Variants in NFAT5 observed in about 807,000 individuals in gnomAD.
NFAT5 encodes nuclear factor of activated T-cells 5.
A neutral mutation model predicts 166.5 loss-of-function variants in NFAT5; 31 were observed. That is an observed-to-expected ratio of 0.19 (90% CI 0.14 to 0.25). The LOEUF (loss-of-function observed/expected upper bound fraction) is 0.25. Ranked by LOEUF, NFAT5 falls within the 10% of genes least tolerant of loss-of-function variation. The pLI, the probability that NFAT5 is intolerant of heterozygous loss-of-function variation, is 1.00. For synonymous variants in NFAT5, 612 were observed against 639.7 expected (o/e 0.96, Z 0.65); for missense variants, 1,449 against 1,821.8 (o/e 0.80, Z 3.72).
chr16:69,693,155 C>T lies in NFAT5; in HGVS notation c.3330C>T (p.Leu1110=), dbSNP rs752170360. The T allele has an allele frequency of 1.2e-6, 2 of 1,614,018 alleles. No individual in the cohort carries two copies. Among genetic ancestry groups the T allele is most frequent in the African/African-American group, 2.7e-5 (2 of 74,902 alleles). The stretch of plus-strand genomic sequence containing the variant: ...TTTCCCAGGAAACTCAAGGTTCTCT[C>T]TTTCATAGTCCAAATCCTATTGTCC... ...QNLSQETQGS[L]FHSPNPIVHS... The change falls in exon 13 of 15, where the codon CTC becomes CTT. Residue 1110 remains leucine (L), a synonymous_variant. Coordinates refer to ENST00000349945, the MANE Select transcript of NFAT5 (RefSeq NM_138713.4).
At chr16:69,684,482 C>T (rs2037204699) in intron 10 of NFAT5, among the ~76,000 whole-genome samples, 1 of 151,898 alleles carries the variant, frequency 6.6e-6, no homozygotes, top group Admixed American at 6.6e-5. Context: ...ATTGCTTGAA[C>T]CCAGGAGGTG....
Position 69,692,850 on chromosome 16 carries a change from G to C in NFAT5, c.3025G>C (p.Glu1009Gln). 1 of 1,614,210 alleles carries C rather than the reference G, an allele frequency of 6.2e-7. No homozygotes were observed. The highest frequency in any genetic ancestry group is 8.5e-7 in the Non-Finnish European group (1 of 1,180,042). Reference protein sequence around the residue: ...MFQTSSSGDGEETGTQAKQIQ... With the variant: ...MFQTSSSGDGQETGTQAKQIQ... ...TCAGACATCAAGTTCAGGAGATGGAGAAGAAACTGGAACACAAGCAAAACA... is the reference window on the plus strand; with the variant it reads ...TCAGACATCAAGTTCAGGAGATGGACAAGAAACTGGAACACAAGCAAAACA... The change falls in exon 13 of 15, where the codon GAA (glutamate) becomes CAA (glutamine). Residue 1009 changes from glutamate to glutamine, a missense_variant. Around this residue, in one of 7 missense-constraint regions of NFAT5, gnomAD observed 891 missense variants for 993.0 expected, o/e 0.90. Coordinates refer to ENST00000349945, the MANE Select transcript of NFAT5 (RefSeq NM_138713.4).
chr16:69,641,728 GTTC>G (rs2151610936), intron 3 of NFAT5, among the ~76,000 whole-genome samples: 1 of 152,232 alleles, frequency 6.6e-6, no homozygotes, highest in South Asian at 2.1e-4. Flanking sequence ...AGAGCTGATA[GTTC>G]TTAAGTTTAA....
chr16:69,644,695 C>T (rs1469332765), intron 3 of NFAT5: 2 of 283,252 alleles, frequency 7.1e-6, no homozygotes, highest in Non-Finnish European at 1.4e-5. Flanking sequence ...CCTCAGAGAA[C>T]AAGACAAGGT....
Position 69,574,129 on chromosome 16 carries a change from C to G in NFAT5, c.127+5581C>G, listed in dbSNP as rs533616746. The stretch of plus-strand genomic sequence containing the variant: ...CAGGTGATCCACCCACCTCGGCCCC[C>G]CAAAGTGCTGGGATTACAGGCGTGA... On this transcript the variant is annotated intron_variant, in intron 2 of 14. Transcript: ENST00000349945. Among the ~76,000 whole-genome samples the G allele has an allele frequency of 2.4e-4, 36 of 152,146 alleles. No homozygotes were observed. In the South Asian group the frequency reaches 7.5e-3, roughly 32 times the overall value.
At chr16:69,655,924 A>G (rs554096551) in intron 6 of NFAT5, 125 bp downstream of exon 6, 8 of 664,106 alleles carry the variant, frequency 1.2e-5, no homozygotes, top group Non-Finnish European at 1.9e-5. Flanking sequence ...TTATGAATAA[A>G]AAAAGACATT....
At chr16:69,638,124 C>T (rs1428575244) in intron 3 of NFAT5, among the ~76,000 whole-genome samples, 1 of 152,010 alleles carries the variant, frequency 6.6e-6, no homozygotes, top group African/African-American at 2.4e-5. Flanking sequence ...GAGTCTGAGG[C>T]AGGATAATCG....
chr16:69,585,700 C>G (rs1477831633), intron 2 of NFAT5, among the ~76,000 whole-genome samples: 2 of 152,158 alleles, frequency 1.3e-5, no homozygotes, highest in East Asian at 1.9e-4. Context: ...CCCTTGAAAA[C>G]ATACGCAAAG....
In NFAT5 at chr16:69,692,505, T is replaced by C. The variant is rs763446860; in HGVS notation, c.2680T>C (p.Leu894=). ...ESVHPQSENT[L]SNQQQQQQQQ... is the part of the protein sequence containing the mutation. ...TGTTCATCCACAGTCTGAAAACACG[T>C]TATCTAATCAACAGCAGCAGCAGCA... The change falls in exon 13 of 15, where the codon TTA becomes CTA. Residue 894 remains leucine, a synonymous_variant. Transcript: ENST00000349945. 1.6e-5 allele frequency: 26 copies of C among 1,614,034 alleles called. No homozygotes were observed. The East Asian group carries it at 5.6e-4, about 35-fold the overall frequency.
chr16:69,631,993 T>C (rs1342588546), intron 3 of NFAT5: 1 of 152,190 alleles, frequency 6.6e-6, no homozygotes, highest in Non-Finnish European at 1.5e-5. Flanking sequence ...CCATGTCACT[T>C]AATAAATCTC....
At chr16:69,666,490 C>A (rs2036386416) in intron 7 of NFAT5, among the ~76,000 whole-genome samples, 1 of 151,978 alleles carries the variant, frequency 6.6e-6, no homozygotes, top group South Asian at 2.1e-4. Context: ...AACAAACAAC[C>A]CCATCAACAA....
chr16:69,584,974 T>G (rs1222128763), intron 2 of NFAT5, among the ~76,000 whole-genome samples: 1 of 152,092 alleles, frequency 6.6e-6, no homozygotes, highest in Non-Finnish European at 1.5e-5. Flanking sequence ...TGGCAAGTGC[T>G]GTCAAAACAG....
intron 2 of NFAT5, among the ~76,000 whole-genome samples, 192 bp from the exon 3 acceptor site, chr16:69,626,211 C>T (rs2034453397): frequency 6.6e-6 from 1 of 151,988 alleles, no homozygotes; most frequent in South Asian, 2.1e-4. Context: ...CCTTGGCTTC[C>T]CAAAGTCATG....
chr16:69,644,745 CT>C, intron 3 of NFAT5: 1 of 409,832 alleles, frequency 2.4e-6, no homozygotes, highest in Non-Finnish European at 4.8e-6. Flanking sequence ...ATATAACTTG[CT>C]TTTGGGTTCA....
In NFAT5 at chr16:69,694,214, A is replaced by G. The variant is rs576653608; in HGVS notation, c.4389A>G (p.Gly1463=). The G allele has an allele frequency of 2.4e-5, 38 of 1,610,622 alleles. No homozygotes were observed. The South Asian group carries it at 3.6e-4, about 15-fold the overall frequency. ...NSPGSSQQTS[G]MFLFGIQNNC... ...CTGGCTCATCTCAGCAGACATCAGGAATGTTCTTATTTGGCATTCAAAATA... is the reference window on the plus strand; with the variant it reads ...CTGGCTCATCTCAGCAGACATCAGGGATGTTCTTATTTGGCATTCAAAATA... Residue 1463 remains glycine (G), a synonymous_variant, in exon 13 of 15, where the codon GGA becomes GGG. Transcript: ENST00000349945.
chr16:69,609,796 C>T (rs1420593553), intron 2 of NFAT5, among the ~76,000 whole-genome samples: 1 of 100,354 alleles, frequency 1.0e-5, no homozygotes, highest in Non-Finnish European at 1.9e-5. Flanking sequence ...GCCTGGACAA[C>T]ATGGTGAGAC....
chr16:69,624,061 G>A (rs1197375663), intron 2 of NFAT5, among the ~76,000 whole-genome samples: 1 of 151,662 alleles, frequency 6.6e-6, no homozygotes, highest in African/African-American at 2.4e-5. Context: ...GTCTACTTAA[G>A]GCTTTTAACA....
rs1020649152 is a variant in NFAT5, at chr16:69,571,422, C to T, written c.127+2874C>T. On this transcript the variant is annotated intron_variant, in intron 2 of 14. Transcript: ENST00000349945. ...GAGATGAGCAATTGAAGGCATAACT[C>T]ACCCAGAGTCACAAGCTAGTAAATT... 1.6e-4 allele frequency among the ~76,000 whole-genome samples: 24 copies of T among 152,134 alleles called. 1 individual carries two copies.
At chr16:69,636,396 A>G (rs948949176) in intron 3 of NFAT5, among the ~76,000 whole-genome samples, 51 of 152,122 alleles carry the variant, frequency 3.4e-4, no homozygotes, top group African/African-American at 1.2e-3. Flanking sequence ...CTCTCCTCAC[A>G]GCTCCATTAC....
Sources: gnomAD v4.1 joint callset for allele counts (sites outside exome capture counted in the v4.1 genomes callset) on GRCh38, gnomAD v4.1.1 for gene constraint, gnomAD v4.1.1 regional missense constraint, MANE v1.5 for transcripts, NCBI Gene and HGNC (gene_info 2026-07-23, HGNC 2026-07-21) for gene names.